EIF4G3: variants seen among roughly 807,000 people sequenced by gnomAD.
EIF4G3 encodes eukaryotic translation initiation factor 4 gamma 3.
EIF4G3 carries 34 observed loss-of-function variants against 186.4 expected under a neutral mutation model. That is an observed-to-expected ratio of 0.18 (90% CI 0.14 to 0.24). The LOEUF (loss-of-function observed/expected upper bound fraction) is 0.24. Ranked by LOEUF, EIF4G3 falls within the 10% of genes least tolerant of loss-of-function variation. EIF4G3 has a pLI of 1.00. For missense variants in EIF4G3, 1,536 were observed against 1,948.5 expected (o/e 0.79, Z 3.99); for synonymous variants, 673 against 679.5 (o/e 0.99, Z 0.15).
At position 21,029,859 on chromosome 1, in the gene EIF4G3, T is replaced by A. The variant is rs1557612203; in HGVS notation, c.-67+21007A>T. Among the ~76,000 whole-genome samples, 3 of 152,118 alleles carry A rather than the reference T, an allele frequency of 2.0e-5. No homozygotes were observed. The South Asian group carries it at 6.2e-4, about 32-fold the overall frequency. Reference sequence around the variant, plus strand: ...TCAGAAAAATGTTATTTATTTATTATTTTATTTTTTATTCTTGAGACAGGG... The same window carrying A: ...TCAGAAAAATGTTATTTATTTATTAATTTATTTTTTATTCTTGAGACAGGG... On this transcript the variant is annotated intron_variant, in intron 4 of 36. Transcript: ENST00000602326.
At chr1:20,971,563 T>G (rs1293847220) in intron 11 of EIF4G3, among the ~76,000 whole-genome samples, 1 of 152,256 alleles carries the variant, frequency 6.6e-6, no homozygotes, top group Non-Finnish European at 1.5e-5. Context: ...GTCCTGTTCA[T>G]TATGATATAT....
chr1:20,851,529 C>T (rs1341587870), intron 27 of EIF4G3, 51 bp from the exon 28 acceptor site: 4 of 1,546,308 alleles, frequency 2.6e-6, no homozygotes, highest in African/African-American at 1.4e-5. Context: ...CCATGTCCCC[C>T]ACATATTCAA....
At chr1:21,120,978 G>A (rs2096915774) in intron 2 of EIF4G3, among the ~76,000 whole-genome samples, 1 of 152,172 alleles carries the variant, frequency 6.6e-6, no homozygotes, top group South Asian at 2.1e-4. Flanking sequence ...GGAATGCAGT[G>A]GCATGATCCT....
intron 2 of EIF4G3, among the ~76,000 whole-genome samples, chr1:21,093,016 A>T (rs2096252800): frequency 1.3e-5 from 2 of 152,214 alleles, no homozygotes; most frequent in South Asian, 4.1e-4. Context: ...AACCTAGGCA[A>T]TACCATTCAG....
At position 20,853,502 on chromosome 1, in the gene EIF4G3, G is replaced by A; in HGVS notation, c.3551+58C>T. 4 of 1,111,868 alleles carry A rather than the reference G, an allele frequency of 3.6e-6. No homozygotes were observed. In the South Asian group the frequency reaches 5.1e-5, roughly 14 times the overall value. 68.9% of individuals were successfully genotyped at this position (1,111,868 alleles called of 1,614,324 possible). A position where few individuals can be genotyped will look rare whatever the true frequency, so the allele number is the denominator to read the frequency against. The stretch of plus-strand genomic sequence containing the variant: ...CTATCAAAACCCTTGTTCTTATCTT[G>A]CCACACATACTGGCAAGCGGGCCAG... On this transcript the variant is annotated intron_variant, in intron 27 of 36. Transcript: ENST00000602326.
intron 2 of EIF4G3, among the ~76,000 whole-genome samples, chr1:21,161,130 C>T (rs1036512570): frequency 6.6e-4 from 101 of 152,120 alleles, no homozygotes; most frequent in African/African-American, 2.2e-3. Context: ...CACATCGCAC[C>T]ACTGCACTCC....
chr1:21,144,324 T>C (rs2097397312), intron 2 of EIF4G3, among the ~76,000 whole-genome samples: 1 of 152,188 alleles, frequency 6.6e-6, no homozygotes, highest in South Asian at 2.1e-4. Context: ...TCATAACTCA[T>C]TCTAGCCTCA....
chr1:20,909,878 C>T (rs2092915035), intron 14 of EIF4G3, among the ~76,000 whole-genome samples: 1 of 150,798 alleles, frequency 6.6e-6, no homozygotes, highest in Admixed American at 6.6e-5. Flanking sequence ...GACTCCTGGG[C>T]CCAAGTGATT....
chr1:21,018,606 C>A (rs1223281929), intron 4 of EIF4G3, among the ~76,000 whole-genome samples: 1 of 151,940 alleles, frequency 6.6e-6, no homozygotes, highest in Non-Finnish European at 1.5e-5. Flanking sequence ...GAATACTGAC[C>A]CCTCCAAATC....
intron 2 of EIF4G3, among the ~76,000 whole-genome samples, chr1:21,101,031 A>C (rs2096506533): frequency 1.3e-5 from 2 of 152,202 alleles, no homozygotes; most frequent in Non-Finnish European, 2.9e-5. Flanking sequence ...AAGCACGCTT[A>C]TACTAAATCA....
chr1:20,925,619 G>A (rs937277949), intron 14 of EIF4G3, among the ~76,000 whole-genome samples: 11 of 152,086 alleles, frequency 7.2e-5, no homozygotes, highest in Non-Finnish European at 1.3e-4. Context: ...CTGCAGCCTC[G>A]AACTCCTGGG....
intron 2 of EIF4G3, among the ~76,000 whole-genome samples, chr1:21,151,109 A>T (rs1263649710): frequency 6.6e-6 from 1 of 152,156 alleles, no homozygotes; most frequent in Non-Finnish European, 1.5e-5. Context: ...ACTTTTTCCT[A>T]ATGTATTTTT....
chr1:21,176,625 C>G (rs1484711356), intron 1 of EIF4G3, 97 bp downstream of exon 1: 21 of 260,442 alleles, frequency 8.1e-5, no homozygotes, highest in Admixed American at 6.6e-4. Flanking sequence ...GCAGCAGCCG[C>G]CCCGCGGGCC....
intron 2 of EIF4G3, among the ~76,000 whole-genome samples, chr1:21,089,621 G>A (rs113967557): frequency 1.1e-3 from 161 of 152,100 alleles, no homozygotes; most frequent in African/African-American, 3.8e-3. Flanking sequence ...GGGCAACACA[G>A]CAAGACCTCA....
chr1:20,909,449 T>C (rs2092819817), intron 14 of EIF4G3, among the ~76,000 whole-genome samples: 1 of 152,230 alleles, frequency 6.6e-6, no homozygotes, highest in African/African-American at 2.4e-5. Flanking sequence ...TCTCCCTTTA[T>C]CTAGATTATT....
At chr1:20,915,036 A>C (rs1285465674) in intron 14 of EIF4G3, among the ~76,000 whole-genome samples, 2 of 152,150 alleles carry the variant, frequency 1.3e-5, no homozygotes, top group African/African-American at 4.8e-5. Flanking sequence ...TACTTTTTGA[A>C]TATGTGAAAT....
At chr1:21,160,744 A>C (rs1377979509) in intron 2 of EIF4G3, among the ~76,000 whole-genome samples, 2 of 152,244 alleles carry the variant, frequency 1.3e-5, no homozygotes, top group African/African-American at 2.4e-5. Flanking sequence ...AGTCACAGGA[A>C]TCGTTACAAA....
chr1:20,912,096 G>C (rs548649801), intron 14 of EIF4G3, among the ~76,000 whole-genome samples: 1 of 151,922 alleles, frequency 6.6e-6, no homozygotes, highest in Non-Finnish European at 1.5e-5. Flanking sequence ...GGCAACACAG[G>C]GAGACCCCAT....
intron 2 of EIF4G3, among the ~76,000 whole-genome samples, chr1:21,169,216 C>T (rs1250179089): frequency 1.3e-5 from 2 of 151,970 alleles, no homozygotes; most frequent in South Asian, 2.1e-4. Flanking sequence ...CTTGGGAGGC[C>T]GAGGTGGGCA....
Sources: allele counts gnomAD v4.1 joint callset (sites outside exome capture counted in the v4.1 genomes callset), GRCh38; gene constraint gnomAD v4.1.1; transcripts MANE v1.5; gene names NCBI Gene and HGNC (gene_info 2026-07-23, HGNC 2026-07-21).